Variants in TTC34 observed in about 807,000 individuals in gnomAD.
The protein encoded by TTC34 is tetratricopeptide repeat domain 34.
A neutral mutation model predicts 40.7 loss-of-function variants in TTC34; 44 were observed. The ratio of observed to expected loss-of-function variants is 1.08; its 90% CI spans 0.85 to 1.39. The LOEUF is 1.39. Among genes scored for constraint, TTC34 ranks in the 40% most tolerant of loss-of-function variants. TTC34 has a pLI of 0.00. For missense variants in TTC34, 884 were observed against 838.0 expected (o/e 1.05, Z -0.68); for synonymous variants, 422 against 398.6 (o/e 1.06, Z -0.70).
chr1:2,672,189 AC>A (rs1639723921), intron 6 of TTC34, among the ~76,000 whole-genome samples: 2 of 142,506 alleles, frequency 1.4e-5, no homozygotes, highest in African/African-American at 2.6e-5. Flanking sequence ...CAGCACCCAC[AC>A]CCCCAGGTGA....
At chr1:2,785,572 G>GCAGGGCACAGCT (rs1643572246) in intron 5 of TTC34, among the ~76,000 whole-genome samples, 1 of 152,292 alleles carries the variant, frequency 6.6e-6, no homozygotes, top group Non-Finnish European at 1.5e-5. Context: ...CAGGCACCAG[G>GCAGGGCACAGCT]CAGGGCACAG....
At chr1:2,641,929 TG>T in intron 8 of TTC34, 34 bp from the exon 9 acceptor site, 1 of 1,440,312 alleles carries the variant, frequency 6.9e-7, no homozygotes, top group Non-Finnish European at 9.1e-7. Context: ...GCAGGGAGAG[TG>T]GGGTCAGCCC....
chr1:2,785,900 G>C (rs1425665772), exon 5 of TTC34: 2 of 1,536,968 alleles, frequency 1.3e-6, no homozygotes, highest in East Asian at 2.5e-5. Context: ...GGCCGTGCCC[G>C]CAGGATGGCC....
rs942964668 is a variant in TTC34 at position 2,796,409 on chromosome 1, A to T, written c.784+3635T>A. On this transcript the variant is annotated intron_variant, in intron 2 of 8. Coordinates refer to ENST00000401095, the Ensembl canonical transcript of TTC34. The surrounding 1 kb of genome is among the most constrained non-coding windows in gnomAD (Gnocchi z 4.5). ...TTGTGCTGGTGCTGGCGATGTGGGGAGTCCCTTGACCGAAGTGACTTGGGT... is the reference window on the plus strand; with the variant it reads ...TTGTGCTGGTGCTGGCGATGTGGGGTGTCCCTTGACCGAAGTGACTTGGGT... 6.6e-6 allele frequency among the ~76,000 whole-genome samples: 1 copy of T among 152,104 alleles called. No homozygotes were observed. Among genetic ancestry groups the T allele is most frequent in the Admixed American group, 6.5e-5 (1 of 15,278 alleles).
rs1436204318 is a variant in TTC34 at position 2,755,819 on chromosome 1, C to G, written c.2226+27790G>C. Reference sequence around the variant, plus strand: ...GCATCTGATGGTCTGGAGCAGCACCCACAACCACAGGTGAGCATCCGACAG... The same window carrying G: ...GCATCTGATGGTCTGGAGCAGCACCGACAACCACAGGTGAGCATCCGACAG... On this transcript the variant is annotated intron_variant, in intron 6 of 8. Transcript: ENST00000401095. Among the ~76,000 whole-genome samples the G allele has an allele frequency of 8.8e-5, 9 of 102,360 alleles. 1 individual carries two copies. The East Asian group carries it at 1.3e-3, about 15-fold the overall frequency. The allele number at this position is 102,360 out of a possible 152,430, so 67.2% of individuals were successfully genotyped here. A position where few individuals can be genotyped will look rare whatever the true frequency, so the allele number is the denominator to read the frequency against.
chr1:2,698,542 CG>C, intron 6 of TTC34, among the ~76,000 whole-genome samples: 1 of 129,060 alleles, frequency 7.7e-6, no homozygotes, highest in East Asian at 2.2e-4. Context: ...AGGTGAGCAT[CG>C]GGCAGCCTGG....
rs372297880 is a variant in TTC34, at chr1:2,692,275, G to A, written c.2227-46712C>T. Among the ~76,000 whole-genome samples the A allele has an allele frequency of 2.1e-4, 16 of 74,724 alleles. 4 individuals carry two copies. Among genetic ancestry groups the A allele is most frequent in the East Asian group, 6.5e-4 (2 of 3,076 alleles). The allele number at this position is 74,724 out of a possible 152,430, so 49.0% of individuals were successfully genotyped here. A position where few individuals can be genotyped will look rare whatever the true frequency, so the allele number is the denominator to read the frequency against. On this transcript the variant is annotated intron_variant, in intron 6 of 8. Coordinates refer to ENST00000401095, the Ensembl canonical transcript of TTC34. ...GAGCAGCACCCACACCCTCAGGTGA[G>A]CATCTGACAGCCTGGAGCAGCAGGC...
chr1:2,781,769 A>G (rs1643487847), intron 6 of TTC34, among the ~76,000 whole-genome samples: 1 of 152,206 alleles, frequency 6.6e-6, no homozygotes, highest in South Asian at 2.1e-4. Flanking sequence ...GCATCAGTTG[A>G]GATGATCATT....
chr1:2,758,531 CCGACA>C (rs1641580352), intron 6 of TTC34, among the ~76,000 whole-genome samples: 1 of 85,504 alleles, frequency 1.2e-5, no homozygotes, highest in Non-Finnish European at 2.2e-5. Context: ...AGGTGAGCAT[CCGACA>C]TCCTGAAACA....
At chr1:2,754,829 G>T (rs1641451571) in intron 6 of TTC34, among the ~76,000 whole-genome samples, 3 of 150,826 alleles carry the variant, frequency 2.0e-5, no homozygotes, top group African/African-American at 4.9e-5. Context: ...CCCCAGGTGA[G>T]CATCTGACAG....
intron 6 of TTC34, among the ~76,000 whole-genome samples, chr1:2,751,168 C>T (rs1172769590): frequency 9.8e-6 from 1 of 101,550 alleles, no homozygotes; most frequent in Non-Finnish European, 2.0e-5. Flanking sequence ...GCACGCACAT[C>T]CCCAGGCGAG....
chr1:2,751,647 C>T lies in TTC34; in HGVS notation c.2226+31962G>A, dbSNP rs1164093954. On this transcript the variant is annotated intron_variant, in intron 6 of 8. Transcript: ENST00000401095. ...CTGACGGCCTGGAACAGCACCCACA[C>T]CCCCAGTTGAGCATTGGACAGCCTG... Among the ~76,000 whole-genome samples, 18 of 70,430 alleles carry T rather than the reference C, an allele frequency of 2.6e-4. 2 individuals are homozygous for T. Among genetic ancestry groups the T allele is most frequent in the South Asian group, 1.7e-3 (3 of 1,812 alleles). 46.2% of individuals were successfully genotyped at this position (70,430 alleles called of 152,430 possible).
intron 6 of TTC34, among the ~76,000 whole-genome samples, chr1:2,659,781 CCGA>C (rs1639473657): frequency 8.2e-6 from 1 of 122,420 alleles, no homozygotes; most frequent in Non-Finnish European, 1.7e-5. Flanking sequence ...TGGAGCTGCA[CCGA>C]CAACAACAGG....
At position 2,677,976 on chromosome 1, in the gene TTC34, CA is replaced by C. The variant is rs1639982983; in HGVS notation, c.2227-32414del. Among the ~76,000 whole-genome samples the C allele has an allele frequency of 5.8e-5, 2 of 34,770 alleles. 1 individual carries two copies. Among genetic ancestry groups the C allele is most frequent in the Non-Finnish European group, 9.9e-5 (2 of 20,292 alleles). 22.8% of individuals were successfully genotyped at this position (34,770 alleles called of 152,430 possible). A position where few individuals can be genotyped will look rare whatever the true frequency, so the allele number is the denominator to read the frequency against. ...CAGCCTGGAGCAGCAACCACACTCC[CA>C]GGCGAGCATCCGATGACCTGGAGCA... On this transcript the variant is annotated intron_variant, in intron 6 of 8. Coordinates refer to ENST00000401095, the Ensembl canonical transcript of TTC34.
chr1:2,759,497 C>T (rs1368026276), intron 6 of TTC34, among the ~76,000 whole-genome samples: 13 of 105,470 alleles, frequency 1.2e-4, no homozygotes, highest in South Asian at 3.3e-4. Context: ...GAGCATCGGG[C>T]AGCCTGGAGC....
Position 2,641,833 on chromosome 1 carries a change from G to C in TTC34, c.2775C>G (p.Tyr925Ter). ...CACTGGCCAGGACAGACAGCGAACA[G>C]TAGCCCAGCGCCTGCCTGGGTTGCC... Residue 925 changes from tyrosine to a stop codon, truncating the protein, a stop_gained, in exon 9 of 9, where the codon TAC (tyrosine) becomes TAG (stop). Coordinates refer to ENST00000401095, the Ensembl canonical transcript of TTC34. LOFTEE classifies it low-confidence loss of function (END_TRUNC). The C allele has an allele frequency of 6.5e-7, 1 of 1,529,416 alleles. No individual in the cohort carries two copies. The highest frequency in any genetic ancestry group is 1.2e-5 in the South Asian group (1 of 83,434). The allele number at this position is 1,529,416 out of a possible 1,614,324, so 94.7% of individuals were successfully genotyped here. A position where few individuals can be genotyped will look rare whatever the true frequency, so the allele number is the denominator to read the frequency against.
chr1:2,655,636 C>T (rs1639317749), intron 6 of TTC34, among the ~76,000 whole-genome samples: 1 of 152,100 alleles, frequency 6.6e-6, no homozygotes, highest in Non-Finnish European at 1.5e-5. Flanking sequence ...ATCTGACAGC[C>T]TGGAGCAGCA....
At chr1:2,788,640 G>C (rs1384648771) in intron 3 of TTC34, among the ~76,000 whole-genome samples, 1 of 152,270 alleles carries the variant, frequency 6.6e-6, no homozygotes, top group East Asian at 1.9e-4. Context: ...TCAAGGGTGA[G>C]TGGGGGATGG....
intron 6 of TTC34, among the ~76,000 whole-genome samples, chr1:2,752,070 G>A (rs1252823104): frequency 1.0e-5 from 1 of 95,312 alleles, no homozygotes; most frequent in Admixed American, 1.1e-4. Flanking sequence ...ACATCTGAAC[G>A]CACGGAGCAG....
Sources: allele counts gnomAD v4.1 joint callset (sites outside exome capture counted in the v4.1 genomes callset), GRCh38; gene constraint gnomAD v4.1.1; non-coding constraint Gnocchi (gnomAD v3.1); transcripts MANE v1.5; gene names NCBI Gene and HGNC (gene_info 2026-07-23, HGNC 2026-07-21).